The following IGSF6 variants were observed in gnomAD, a reference collection of about 807,000 sequenced individuals.
IGSF6 encodes down-regulated by activation (immunoglobulin superfamily).
IGSF6 carries 23 observed loss-of-function variants against 24.7 expected under a neutral mutation model. The ratio of observed to expected loss-of-function variants is 0.93; its 90% CI spans 0.67 to 1.32. IGSF6 has a LOEUF of 1.32. Ranked by LOEUF, IGSF6 falls within the 40% of genes most tolerant of loss-of-function variation. The pLI, the probability that IGSF6 is intolerant of heterozygous loss-of-function variation, is 0.00. For synonymous variants in IGSF6, 110 were observed against 113.7 expected (o/e 0.97, Z 0.21); for missense variants, 295 against 293.6 (o/e 1.00, Z -0.04).
At position 21,644,269 on chromosome 16, in the gene IGSF6, A is replaced by G. The variant is rs753109214; in HGVS notation, c.534+21T>C. On this transcript the variant is annotated intron_variant, in intron 3 of 5. Transcript: ENST00000268389. ...ATATTCAAGGATATAGGGACATTCC[A>G]TGCAAGAGGATTTGACTTACTTTGG... The G allele has an allele frequency of 6.7e-6, 10 of 1,486,362 alleles. No homozygotes were observed. The East Asian group carries it at 9.0e-5, about 13-fold the overall frequency. The allele number at this position is 1,486,362 out of a possible 1,614,324, so 92.1% of individuals were successfully genotyped here.
intron 1 of IGSF6, among the ~76,000 whole-genome samples, chr16:21,650,580 C>T (rs1214168759): frequency 6.7e-6 from 1 of 149,800 alleles, no homozygotes; most frequent in African/African-American, 2.5e-5. Context: ...TCTTTAAAAA[C>T]TAGTAGTATA....
At chr16:21,642,547 T>C (rs1966299991) in intron 5 of IGSF6, 3 of 152,324 alleles carry the variant, frequency 2.0e-5, no homozygotes, top group African/African-American at 7.2e-5. Flanking sequence ...TATAAGACTT[T>C]AAAGGAATAC....
intron 3 of IGSF6, among the ~76,000 whole-genome samples, chr16:21,643,912 A>G (rs1966346303): frequency 6.6e-6 from 1 of 152,128 alleles, no homozygotes; most frequent in African/African-American, 2.4e-5. Context: ...TAGTTTCTTC[A>G]TCAACCCATT....
chr16:21,651,467 A>AT (rs748354488), intron 1 of IGSF6, among the ~76,000 whole-genome samples: 56 of 150,036 alleles, frequency 3.7e-4, no homozygotes, highest in Non-Finnish European at 5.6e-4. Context: ...ACGCCCAGCT[A>AT]TTTTTTTTTC....
At chr16:21,651,307 A>G (rs772568481) in intron 1 of IGSF6, among the ~76,000 whole-genome samples, 2 of 151,952 alleles carry the variant, frequency 1.3e-5, no homozygotes, top group Non-Finnish European at 2.9e-5. Context: ...CTAGTAAGTA[A>G]GAAGTAAGTA....
chr16:21,651,434 G>T (rs1243691438), intron 1 of IGSF6, among the ~76,000 whole-genome samples: 1 of 152,014 alleles, frequency 6.6e-6, no homozygotes, highest in African/African-American at 2.4e-5. Flanking sequence ...GGGTGGGACT[G>T]CAGGTGCAGT....
chr16:21,642,717 A>C (rs1966305486), intron 5 of IGSF6, among the ~76,000 whole-genome samples: 1 of 152,158 alleles, frequency 6.6e-6, no homozygotes, highest in South Asian at 2.1e-4. Flanking sequence ...TTGACCCACA[A>C]ACATTTGCAG....
rs745387245 is a variant in IGSF6, at chr16:21,644,383, G to A, written c.441C>T (p.Leu147=). Residue 147 remains leucine (L), a synonymous_variant, in exon 3 of 6, where the codon CTC becomes CTT. Transcript: ENST00000268389. Reference sequence around the variant, plus strand: ...TCAGGAAGCTCCGCAGTTCCTTGCTGAGCAGCTTAATTTCTTAATGACAAA... The same window carrying A: ...TCAGGAAGCTCCGCAGTTCCTTGCTAAGCAGCTTAATTTCTTAATGACAAA... ...TTLVVREIKL[L]SKELRSFLTA... The A allele has an allele frequency of 2.5e-5, 41 of 1,612,628 alleles. No homozygotes were observed. Among genetic ancestry groups the A allele is most frequent in the Non-Finnish European group, 3.3e-5 (39 of 1,178,798 alleles).
At chr16:21,652,480 A>G in intron 1 of IGSF6, 52 bp downstream of exon 1, 1 of 1,412,460 alleles carries the variant, frequency 7.1e-7, no homozygotes, top group Admixed American at 1.8e-5. Flanking sequence ...ATTAGGTGAA[A>G]AATAGCAGTT....
chr16:21,642,682 G>T (rs1966303835), intron 5 of IGSF6, among the ~76,000 whole-genome samples: 1 of 152,008 alleles, frequency 6.6e-6, no homozygotes, highest in Non-Finnish European at 1.5e-5. Flanking sequence ...TGCCTTATAA[G>T]TAACAAGTAA....
chr16:21,642,410 A>C (rs1160422733), intron 5 of IGSF6: 2 of 152,244 alleles, frequency 1.3e-5, no homozygotes, highest in Non-Finnish European at 2.9e-5. Flanking sequence ...TTAAAAAATA[A>C]ATAAAAATAA....
intron 2 of IGSF6, among the ~76,000 whole-genome samples, chr16:21,645,356 G>C (rs1966394648): frequency 6.6e-6 from 1 of 152,158 alleles, no homozygotes; most frequent in Non-Finnish European, 1.5e-5. Flanking sequence ...AGGAGGTTGA[G>C]GCAGGAGAAT....
intron 1 of IGSF6, among the ~76,000 whole-genome samples, chr16:21,648,756 C>T (rs1310154493): frequency 6.6e-6 from 1 of 152,194 alleles, no homozygotes; most frequent in Non-Finnish European, 1.5e-5. Context: ...AGTTTTTGGT[C>T]TGAGTTCCGC....
chr16:21,647,023 G>A, intron 2 of IGSF6, 110 bp downstream of exon 2: 1 of 1,392,976 alleles, frequency 7.2e-7, no homozygotes, highest in Non-Finnish European at 1.0e-6. Context: ...ACTGGCTAGG[G>A]TATTAACTTA....
At chr16:21,642,984 A>G in intron 5 of IGSF6, 90 bp downstream of exon 5, 2 of 789,124 alleles carry the variant, frequency 2.5e-6, no homozygotes, top group East Asian at 2.4e-5. Flanking sequence ...CTGAAGGAAA[A>G]CATGGTTCTT....
intron 3 of IGSF6, among the ~76,000 whole-genome samples, chr16:21,643,954 GT>G: frequency 6.6e-6 from 1 of 151,940 alleles, no homozygotes; most frequent in Non-Finnish European, 1.5e-5. Context: ...TAAGGCTTTC[GT>G]AGATAACAGT....
chr16:21,647,777 C>T (rs552662569), intron 1 of IGSF6, among the ~76,000 whole-genome samples: 58 of 152,132 alleles, frequency 3.8e-4, no homozygotes, highest in South Asian at 1.0e-3. Flanking sequence ...GAGGTGGCAC[C>T]GTATTGGACT....
At chr16:21,646,844 T>G in intron 2 of IGSF6, 1 of 394,670 alleles carries the variant, frequency 2.5e-6, no homozygotes, top group Non-Finnish European at 4.9e-6. Flanking sequence ...TGAGTAGAGA[T>G]GGGGTTTCAC....
intron 1 of IGSF6, 126 bp from the exon 2 acceptor site, chr16:21,647,618 G>T: frequency 8.0e-7 from 1 of 1,247,800 alleles, no homozygotes; most frequent in Non-Finnish European, 1.1e-6. Context: ...ATATAAATAA[G>T]ACTAAAAATA....
Sources: gnomAD v4.1 joint callset for allele counts (sites outside exome capture counted in the v4.1 genomes callset) on GRCh38, gnomAD v4.1.1 for gene constraint, MANE v1.5 for transcripts, NCBI Gene and HGNC (gene_info 2026-07-23, HGNC 2026-07-21) for gene names.